ANKRD54: variants seen among roughly 807,000 people sequenced by gnomAD.
ANKRD54 encodes ankyrin repeat domain-containing protein 54.
A neutral mutation model predicts 36.2 loss-of-function variants in ANKRD54; 26 were observed. That is an observed-to-expected ratio of 0.72 (90% confidence interval 0.53 to 1.00). The LOEUF is 1.00. Among genes scored for constraint, ANKRD54 ranks in the 50% least tolerant of loss-of-function variants. ANKRD54 has a pLI of 0.00. For missense variants in ANKRD54, 384 were observed against 424.3 expected (o/e 0.91, Z 0.83); for synonymous variants, 209 against 188.4 (o/e 1.11, Z -0.89).
chr22:37,832,114 T>C (rs947527446), intron 7 of ANKRD54, 97 bp from the exon 8 acceptor site: 3 of 1,190,220 alleles, frequency 2.5e-6, no homozygotes, highest in African/African-American at 3.0e-5. Flanking sequence ...ACAGGCACGG[T>C]CTCTCCTCCC....
chr22:37,847,891 G>A (rs966902991), upstream of ANKRD54: 1 of 279,938 alleles, frequency 3.6e-6, no homozygotes, highest in Non-Finnish European at 7.6e-6. Flanking sequence ...TTCTCAATAG[G>A]ATGTTGAGTG....
At chr22:37,839,422 C>G (rs1437436598) in intron 2 of ANKRD54, among the ~76,000 whole-genome samples, 1 of 152,158 alleles carries the variant, frequency 6.6e-6, no homozygotes, top group Non-Finnish European at 1.5e-5. Flanking sequence ...GAATTTCGCT[C>G]TGTCGCGCAG....
chr22:37,836,200 G>A (rs1257175145), intron 3 of ANKRD54, among the ~76,000 whole-genome samples: 12 of 149,432 alleles, frequency 8.0e-5, no homozygotes, highest in African/African-American at 2.9e-4. Context: ...TAATCCCAGC[G>A]CTATGGGAGG....
rs1337960014 is a variant in ANKRD54 at position 37,844,224 on chromosome 22, G to A, written c.15C>T (p.Ala5=). 3.3e-6 allele frequency: 5 copies of A among 1,535,428 alleles called. No individual in the cohort carries two copies. The African/African-American group carries it at 5.8e-5, about 18-fold the overall frequency. Reference sequence around the variant, plus strand: ...AGCGCGGCTCGTCGTCCGCGTCCCCGGCGGCGGCTGCCATGGCAACGGCTC... The same window carrying A: ...AGCGCGGCTCGTCGTCCGCGTCCCCAGCGGCGGCTGCCATGGCAACGGCTC... MAAA[A]GDADDEPRSG... Residue 5 remains alanine (A), a synonymous_variant, in exon 1 of 8, where the codon GCC becomes GCT. Transcript: ENST00000215941.
chr22:37,845,553 TATAA>T (rs1342066222), upstream of ANKRD54, among the ~76,000 whole-genome samples: 2 of 152,268 alleles, frequency 1.3e-5, no homozygotes, highest in East Asian at 3.9e-4. Context: ...TCTTTCCATA[TATAA>T]ACCCTCCCAC....
chr22:37,846,124 G>A (rs189028617), upstream of ANKRD54, among the ~76,000 whole-genome samples: 9 of 152,028 alleles, frequency 5.9e-5, no homozygotes, highest in East Asian at 1.4e-3. Flanking sequence ...GCGGTGAGCC[G>A]AGATCGCACC....
chr22:37,841,165 G>T (rs914158429), intron 1 of ANKRD54, among the ~76,000 whole-genome samples: 10 of 151,554 alleles, frequency 6.6e-5, no homozygotes, highest in Non-Finnish European at 1.2e-4. Context: ...GCCAAGGCAG[G>T]TGGATCACTT....
At chr22:37,840,499 C>A (rs991278978) in intron 1 of ANKRD54, among the ~76,000 whole-genome samples, 1 of 151,978 alleles carries the variant, frequency 6.6e-6, no homozygotes, top group African/African-American at 2.4e-5. Flanking sequence ...GTGGAGCTTG[C>A]AGTGAGCAGA....
chr22:37,844,456 A>G, upstream of ANKRD54: 2 of 507,154 alleles, frequency 3.9e-6, no homozygotes, highest in Non-Finnish European at 3.5e-6. Flanking sequence ...TCGGAAAGGG[A>G]GGGCACAGTA....
chr22:37,846,415 A>ACCT (rs756881355), upstream of ANKRD54, among the ~76,000 whole-genome samples: 51 of 151,884 alleles, frequency 3.4e-4, no homozygotes, highest in Non-Finnish European at 8.8e-5. Flanking sequence ...CTTTCCTCCC[A>ACCT]CCTCAGCCTC....
In ANKRD54 at chr22:37,831,739, C is replaced by G; in HGVS notation, c.*204G>C. The G allele has an allele frequency of 1.7e-6, 1 of 586,570 alleles. No homozygotes were observed. Among genetic ancestry groups the G allele is most frequent in the South Asian group, 2.1e-5 (1 of 47,936 alleles). The allele number at this position is 586,570 out of a possible 1,614,324, so 36.3% of individuals were successfully genotyped here. A position where few individuals can be genotyped will look rare whatever the true frequency, so the allele number is the denominator to read the frequency against. Reference sequence around the variant, plus strand: ...AGAAGCTGGGAGCTGTGGTCCCTGTCCACAGAGATGCTGGAAACTGTGGCT... The same window carrying G: ...AGAAGCTGGGAGCTGTGGTCCCTGTGCACAGAGATGCTGGAAACTGTGGCT... On this transcript the variant is annotated 3_prime_UTR_variant, in exon 8 of 8. Coordinates refer to ENST00000215941, the MANE Select transcript of ANKRD54 (RefSeq NM_138797.4).
At chr22:37,842,917 A>G (rs1056036071) in intron 1 of ANKRD54, among the ~76,000 whole-genome samples, 7 of 152,222 alleles carry the variant, frequency 4.6e-5, no homozygotes, top group Admixed American at 3.3e-4. Context: ...GGATTCTAAT[A>G]CCAGCAACAG....
chr22:37,833,557 G>A, intron 4 of ANKRD54, 127 bp downstream of exon 4: 2 of 1,001,366 alleles, frequency 2.0e-6, no homozygotes, highest in East Asian at 2.6e-5. Flanking sequence ...AGCCCTGGGA[G>A]TGCAGGCCTA....
At chr22:37,847,268 T>G (rs1924891033), upstream of ANKRD54, among the ~76,000 whole-genome samples, 2 of 151,890 alleles carry the variant, frequency 1.3e-5, no homozygotes, top group Non-Finnish European at 2.9e-5. Context: ...GTTCAAGTGA[T>G]TCTCCTGCCT....
At position 37,837,809 on chromosome 22, in the gene ANKRD54, A is replaced by C. The variant is rs576923488; in HGVS notation, c.475+691T>G. ...CAAGACCAGCCTGGCCAACATGGTG[A>C]AACCCCATCTCTACTAAAAAATACA... On this transcript the variant is annotated intron_variant, in intron 3 of 7. Transcript: ENST00000215941. Among the ~76,000 whole-genome samples, 7 of 152,294 alleles carry C rather than the reference A, an allele frequency of 4.6e-5. No individual in the cohort carries two copies. The South Asian group carries it at 1.5e-3, about 32-fold the overall frequency.
chr22:37,845,949 C>G (rs1451634636), upstream of ANKRD54, among the ~76,000 whole-genome samples: 2 of 152,044 alleles, frequency 1.3e-5, no homozygotes, highest in African/African-American at 4.8e-5. Flanking sequence ...CTGAGGCAGG[C>G]AGATCACGAG....
chr22:37,837,907 G>T (rs960164344), intron 3 of ANKRD54, among the ~76,000 whole-genome samples: 15 of 152,212 alleles, frequency 9.9e-5, no homozygotes, highest in African/African-American at 3.6e-4. Flanking sequence ...GCCGAGGCGG[G>T]TGGATCACGA....
intron 1 of ANKRD54, 178 bp downstream of exon 1, chr22:37,843,733 C>A: frequency 5.8e-6 from 2 of 345,876 alleles, no homozygotes; most frequent in Middle Eastern, 8.1e-4. Context: ...TCTAAAAAAA[C>A]CATCATCACC....
intron 3 of ANKRD54, among the ~76,000 whole-genome samples, chr22:37,836,750 C>T (rs578096983): frequency 5.9e-5 from 9 of 151,778 alleles, no homozygotes; most frequent in Non-Finnish European, 7.4e-5. Context: ...AAAAATGGCC[C>T]GGGCATGGTG....
Sources: allele counts gnomAD v4.1 joint callset (sites outside exome capture counted in the v4.1 genomes callset), GRCh38; gene constraint gnomAD v4.1.1; transcripts MANE v1.5; gene names NCBI Gene and HGNC (gene_info 2026-07-23, HGNC 2026-07-21).